LRIG1: variants seen among roughly 807,000 people sequenced by gnomAD.
LRIG1 encodes leucine rich repeats and immunoglobulin like domains 1.
In LRIG1, 48 loss-of-function variants were observed where a neutral mutation model predicts 99.2. The observed-to-expected ratio is 0.48, with a 90% CI of 0.38 to 0.62. The LOEUF (loss-of-function observed/expected upper bound fraction) is 0.62, where lower values mean the gene tolerates loss of function less well. Ranked by LOEUF, LRIG1 falls within the 20% of genes least tolerant of loss-of-function variation. The pLI, the probability that LRIG1 is intolerant of heterozygous loss-of-function variation, is 0.00. For missense variants in LRIG1, 1,646 were observed against 1,434.4 expected (o/e 1.15, Z -2.38); for synonymous variants, 772 against 596.1 (o/e 1.29, Z -4.30).
At chr3:66,384,391 A>C in intron 13 of LRIG1, 119 bp from the exon 14 acceptor site, 1 of 1,119,428 alleles carries the variant, frequency 8.9e-7, no homozygotes, top group Non-Finnish European at 1.3e-6. Context: ...TTTTCTCCCA[A>C]TGTCTGCCCA....
intron 9 of LRIG1, chr3:66,404,353 CCT>C (rs1327196171): frequency 8.6e-6 from 11 of 1,285,892 alleles, no homozygotes; most frequent in Middle Eastern, 2.2e-4. Context: ...CGGCAGCCGT[CCT>C]CTCTGTCTTG....
At chr3:66,382,941 T>C in intron 15 of LRIG1, 41 bp downstream of exon 15, 1 of 1,552,922 alleles carries the variant, frequency 6.4e-7, no homozygotes, top group Non-Finnish European at 8.7e-7. Flanking sequence ...TCACTGCCAT[T>C]CCTCCCTCCT....
At chr3:66,486,684 A>G (rs1700982148) in intron 1 of LRIG1, among the ~76,000 whole-genome samples, 1 of 152,220 alleles carries the variant, frequency 6.6e-6, no homozygotes, top group African/African-American at 2.4e-5. Flanking sequence ...AAGTGTGGCT[A>G]TCGTATTGTT....
intron 1 of LRIG1, among the ~76,000 whole-genome samples, chr3:66,469,538 A>G (rs189463446): frequency 3.9e-5 from 6 of 152,190 alleles, no homozygotes; most frequent in African/African-American, 1.4e-4. Context: ...ACTCATGCCT[A>G]CCTCTGTGAT....
intron 1 of LRIG1, among the ~76,000 whole-genome samples, chr3:66,470,584 C>A (rs552626522): frequency 1.3e-5 from 2 of 152,154 alleles, no homozygotes; most frequent in African/African-American, 4.8e-5. Flanking sequence ...ACCCACCAGG[C>A]GGTTAAGTCA....
rs529546040 is a variant in LRIG1, at chr3:66,438,617, C to T, written c.365+12942G>A. ...AACAAGGGGGAAAAGGCCCTGTACACTCCAGGAAGGGATGTTTCCTCCCAG... is the reference window on the plus strand; with the variant it reads ...AACAAGGGGGAAAAGGCCCTGTACATTCCAGGAAGGGATGTTTCCTCCCAG... On this transcript the variant is annotated intron_variant, in intron 3 of 18. Transcript: ENST00000273261. Among the ~76,000 whole-genome samples the T allele has an allele frequency of 3.9e-5, 6 of 152,354 alleles. No homozygotes were observed. In the East Asian group the frequency reaches 1.2e-3, roughly 29 times the overall value.
intron 1 of LRIG1, among the ~76,000 whole-genome samples, chr3:66,469,586 T>G (rs1341056787): frequency 6.6e-6 from 1 of 152,202 alleles, no homozygotes; most frequent in Non-Finnish European, 1.5e-5. Flanking sequence ...GCCTTACTAG[T>G]TCACACATGT....
chr3:66,500,674 A>AC lies in LRIG1; in HGVS notation c.-268_-267insG. 3.7e-6 allele frequency: 1 copy of AC among 267,440 alleles called. No homozygotes were observed. The highest frequency in any genetic ancestry group is 7.0e-6 in the Non-Finnish European group (1 of 143,016). 16.6% of individuals were successfully genotyped at this position (267,440 alleles called of 1,614,324 possible). ...CCCGCGCTAGCTGCGAACTCCGCCG[A>AC]TTCGGGCAAGGTGTACCCAGCCTGC... On this transcript the variant is annotated 5_prime_UTR_variant, in exon 1 of 19. Transcript: ENST00000273261.
rs1001536336 is a variant in LRIG1 at position 66,380,197 on chromosome 3, C to G, written c.*66G>C. 1.2e-5 allele frequency: 16 copies of G among 1,373,644 alleles called. No individual in the cohort carries two copies. The highest frequency in any genetic ancestry group is 1.5e-5 in the Non-Finnish European group (15 of 999,028). 85.1% of individuals were successfully genotyped at this position (1,373,644 alleles called of 1,614,324 possible). On this transcript the variant is annotated 3_prime_UTR_variant, in exon 19 of 19. Transcript: ENST00000273261. Reference sequence around the variant, plus strand: ...TGAGTGACGCTTGAACCCAAGCTTCCTCGCAGCCTCTCCTACCTCTCTTTC... The same window carrying G: ...TGAGTGACGCTTGAACCCAAGCTTCGTCGCAGCCTCTCCTACCTCTCTTTC...
At chr3:66,425,661 T>C (rs978732419) in intron 3 of LRIG1, among the ~76,000 whole-genome samples, 1 of 152,196 alleles carries the variant, frequency 6.6e-6, no homozygotes, top group Non-Finnish European at 1.5e-5. Context: ...GCAGCCTTTC[T>C]CTGCAACCAG....
intron 12 of LRIG1, 29 bp downstream of exon 12, chr3:66,394,011 G>A (rs958763789): frequency 1.2e-6 from 2 of 1,612,290 alleles, no homozygotes; most frequent in Non-Finnish European, 1.7e-6. Flanking sequence ...CTTCATGAAG[G>A]AGAGAAAAAG....
intron 3 of LRIG1, among the ~76,000 whole-genome samples, chr3:66,437,336 C>T (rs1447589363): frequency 6.6e-6 from 1 of 152,240 alleles, no homozygotes; most frequent in African/African-American, 2.4e-5. Context: ...GCTGCTAGAA[C>T]ATGGCAGAAC....
intron 1 of LRIG1, among the ~76,000 whole-genome samples, chr3:66,471,520 T>C (rs530452392): frequency 6.6e-6 from 1 of 152,242 alleles, no homozygotes; most frequent in African/African-American, 2.4e-5. Flanking sequence ...CCTGACAGCC[T>C]AGGGCCCCAG....
In LRIG1 at chr3:66,462,506, G is replaced by A. The variant is rs1274989612; in HGVS notation, c.222C>T (p.Asn74=). 6.2e-7 allele frequency: 1 copy of A among 1,610,152 alleles called. No homozygotes were observed. The highest frequency in any genetic ancestry group is 1.7e-4 in the Middle Eastern group (1 of 6,058). The change falls in exon 2 of 19, where the codon AAC becomes AAT. Residue 74 remains asparagine (N), a synonymous_variant. Coordinates refer to ENST00000273261, the MANE Select transcript of LRIG1 (RefSeq NM_015541.3). ...TCTCAGAGAGTTTGTTGTAACTCAG[G>A]TTTCTGGTAAAGACAGAGAGAGAAA... ...GDLPSWTRSL[N]LSYNKLSEID...
intron 9 of LRIG1, among the ~76,000 whole-genome samples, chr3:66,402,000 CAAT>C (rs1379363654): frequency 6.6e-6 from 1 of 152,182 alleles, no homozygotes; most frequent in African/African-American, 2.4e-5. Context: ...CCCACACACA[CAAT>C]GAGTTCCACT....
chr3:66,434,456 C>T (rs536366833), intron 3 of LRIG1, among the ~76,000 whole-genome samples: 43 of 152,220 alleles, frequency 2.8e-4, no homozygotes, highest in African/African-American at 9.6e-4. Flanking sequence ...TAAAAAAATA[C>T]AACACCACGG....
At position 66,380,040 on chromosome 3, in the gene LRIG1, ACT is replaced by A. The variant is rs1700940189; in HGVS notation, c.*221_*222del. 7.5e-6 allele frequency: 3 copies of A among 398,756 alleles called. No individual in the cohort carries two copies. The highest frequency in any genetic ancestry group is 1.3e-5 in the Non-Finnish European group (3 of 223,708). The allele number at this position is 398,756 out of a possible 1,614,324, so 24.7% of individuals were successfully genotyped here. A position where few individuals can be genotyped will look rare whatever the true frequency, so the allele number is the denominator to read the frequency against. The stretch of plus-strand genomic sequence containing the variant: ...AAAGATATATATGAAATCTCTGAAA[ACT>A]CTTATGTACAATGATATCAAATACT... On this transcript the variant is annotated 3_prime_UTR_variant, in exon 19 of 19. Transcript: ENST00000273261.
chr3:66,394,061 G>C lies in LRIG1; in HGVS notation c.1447C>G (p.Pro483Ala). The C allele has an allele frequency of 6.2e-7, 1 of 1,614,068 alleles. No homozygotes were observed. ...SLKGQSIFSV[P>A]PESFVCDDFL... ...TTACCGCACACGAAACTCTCTGGTG[G>C]CACAGAGAAAATGCTCTGACCCTTC... The change falls in exon 12 of 19, where the codon CCA (proline) becomes GCA (alanine). Residue 483 changes from proline to alanine, a missense_variant. Coordinates refer to ENST00000273261, the MANE Select transcript of LRIG1 (RefSeq NM_015541.3).
intron 4 of LRIG1, 136 bp downstream of exon 4, chr3:66,416,993 T>C (rs1575674302): frequency 1.7e-6 from 2 of 1,151,410 alleles, no homozygotes; most frequent in Non-Finnish European, 2.5e-6. Flanking sequence ...GTCTGAACCA[T>C]CCCCACTGAC....
Sources: gnomAD v4.1 joint callset for allele counts (sites outside exome capture counted in the v4.1 genomes callset) on GRCh38, gnomAD v4.1.1 for gene constraint, MANE v1.5 for transcripts, NCBI Gene and HGNC (gene_info 2026-07-23, HGNC 2026-07-21) for gene names.